Variants in PIWIL1 observed in about 807,000 individuals in gnomAD.
PIWIL1 encodes piwi like RNA-mediated gene silencing 1.
In PIWIL1, 73 loss-of-function variants were observed where a neutral mutation model predicts 114.4. That is an observed-to-expected ratio of 0.64 (90% CI 0.53 to 0.78). The LOEUF (loss-of-function observed/expected upper bound fraction) is 0.78, where lower values mean the gene tolerates loss of function less well. PIWIL1 is among the 30% of genes least tolerant of loss of function. The pLI is 0.00. For synonymous variants in PIWIL1, 375 were observed against 369.0 expected (o/e 1.02, Z -0.19); for missense variants, 723 against 1,063.1 (o/e 0.68, Z 4.45).
chr12:130,341,823 CAGCTGAGCCCAA>C (rs1452555276), intron 1 of PIWIL1, among the ~76,000 whole-genome samples: 4 of 152,208 alleles, frequency 2.6e-5, no homozygotes, highest in African/African-American at 7.2e-5. Context: ...GAGATTGTTA[CAGCTGAGCCCAA>C]AGCTGATCCC....
At chr12:130,394,988 C>A in the PIWIL1 span, among the ~76,000 whole-genome samples, 1 of 152,022 alleles carries the variant, frequency 6.6e-6, no homozygotes, top group Admixed American at 6.6e-5. Flanking sequence ...CATTCTGAAT[C>A]GAAAGAATCA....
At position 130,362,814 on chromosome 12, in the gene PIWIL1, T is replaced by C. The variant is rs770749991; in HGVS notation, c.2019T>C (p.Asp673=). The change falls in exon 17 of 21, where the codon GAT becomes GAC. Residue 673 remains aspartate (D), a synonymous_variant. Transcript: ENST00000245255. ...IFQDRGQELV[D]GLKVCLQAAL... ...AGGATAGAGGACAGGAGCTGGTAGATGGGCTCAAAGTCTGCCTGCAAGGTT... is the reference window on the plus strand; with the variant it reads ...AGGATAGAGGACAGGAGCTGGTAGACGGGCTCAAAGTCTGCCTGCAAGGTT... 2.0e-5 allele frequency: 33 copies of C among 1,614,014 alleles called. No homozygotes were observed. The highest frequency in any genetic ancestry group is 2.7e-5 in the Non-Finnish European group (32 of 1,180,010).
chr12:130,378,015 G>A, the PIWIL1 span, among the ~76,000 whole-genome samples: 1 of 152,218 alleles, frequency 6.6e-6, no homozygotes, highest in African/African-American at 2.4e-5. Context: ...TAAATCAACT[G>A]TACTGAGGTC....
the PIWIL1 span, among the ~76,000 whole-genome samples, chr12:130,417,307 T>C: frequency 6.6e-6 from 1 of 152,192 alleles, no homozygotes; most frequent in Non-Finnish European, 1.5e-5. Flanking sequence ...ATCGCAGCAC[T>C]GTTCACAATA....
chr12:130,356,884 A>AT, intron 12 of PIWIL1, 34 bp from the exon 13 acceptor site: 2 of 1,494,768 alleles, frequency 1.3e-6, no homozygotes, highest in Non-Finnish European at 1.8e-6. Flanking sequence ...AGAACTTACA[A>AT]TGGAATTTAC....
intron 18 of PIWIL1, 61 bp from the exon 19 acceptor site, chr12:130,367,072 T>C: frequency 6.3e-7 from 1 of 1,596,178 alleles, no homozygotes; most frequent in Non-Finnish European, 8.6e-7. Flanking sequence ...AACACCTGAA[T>C]GAATGAGTGC....
At chr12:130,393,308 T>C in the PIWIL1 span, among the ~76,000 whole-genome samples, 16 of 27,528 alleles carry the variant, frequency 5.8e-4, no homozygotes, top group African/African-American at 1.0e-3. Flanking sequence ...CTGGTGAATA[T>C]TGAATGTTGT....
At chr12:130,393,250 A>G in the PIWIL1 span, among the ~76,000 whole-genome samples, 1 of 144,350 alleles carries the variant, frequency 6.9e-6, no homozygotes, top group Admixed American at 6.8e-5. Context: ...GTGAGTATTG[A>G]ATGTTGTGAT....
At chr12:130,378,976 GA>G in the PIWIL1 span, among the ~76,000 whole-genome samples, 8 of 152,200 alleles carry the variant, frequency 5.3e-5, no homozygotes, top group African/African-American at 1.9e-4. Flanking sequence ...TGATGGGGGA[GA>G]ACCATCTGGT....
chr12:130,354,623 A>G lies in PIWIL1; in HGVS notation c.1131A>G (p.Pro377=). The G allele has an allele frequency of 6.2e-7, 1 of 1,607,956 alleles. No homozygotes were observed. The highest frequency in any genetic ancestry group is 8.5e-7 in the Non-Finnish European group (1 of 1,178,366). Residue 377 remains proline (P), a synonymous_variant, in exon 10 of 21, where the codon CCA becomes CCG. Coordinates refer to ENST00000245255, the MANE Select transcript of PIWIL1 (RefSeq NM_004764.5). ...KRRRGPGGTL[P]GPAMLIPELC... is the part of the protein sequence containing the mutation. ...GGCGGGGCCCTGGGGGGACACTGCC[A>G]GGGCCTGCCATGCTCATTCCTGAGC...
At chr12:130,392,925 CAG>C in the PIWIL1 span, among the ~76,000 whole-genome samples, 9 of 102,082 alleles carry the variant, frequency 8.8e-5, no homozygotes, top group South Asian at 3.7e-4. Flanking sequence ...ACGTGTCTGT[CAG>C]TTACCTGGTG....
At chr12:130,344,357 A>G (rs979836557) in intron 3 of PIWIL1, among the ~76,000 whole-genome samples, 2 of 152,160 alleles carry the variant, frequency 1.3e-5, no homozygotes, top group African/African-American at 4.8e-5. Context: ...AAGTATGAAC[A>G]GTTACATGTT....
At position 130,338,118 on chromosome 12, in the gene PIWIL1, C is replaced by T; in HGVS notation, c.-41C>T. ...TGGCCTCGGGCTGAGGTGCAAGGAC[C>T]AGGACTAGGGCGAGGGCAGCGGTCC... On this transcript the variant is annotated 5_prime_UTR_variant, in exon 1 of 21. The change creates a premature stop within an existing upstream ORF in the 5' untranslated region. Coordinates refer to ENST00000245255, the MANE Select transcript of PIWIL1 (RefSeq NM_004764.5). 1 of 265,964 alleles carries T rather than the reference C, an allele frequency of 3.8e-6. No individual in the cohort carries two copies. Among genetic ancestry groups the T allele is most frequent in the South Asian group, 3.3e-5 (1 of 30,136 alleles). The allele number at this position is 265,964 out of a possible 1,614,324, so 16.5% of individuals were successfully genotyped here.
chr12:130,379,837 T>G, the PIWIL1 span, among the ~76,000 whole-genome samples: 1 of 28,534 alleles, frequency 3.5e-5, no homozygotes, highest in African/African-American at 1.4e-4. Flanking sequence ...CTCATCCCAA[T>G]TCCCATCCAA....
At chr12:130,380,925 T>C in the PIWIL1 span, among the ~76,000 whole-genome samples, 1 of 152,214 alleles carries the variant, frequency 6.6e-6, no homozygotes, top group African/African-American at 2.4e-5. Flanking sequence ...GCAAGTCCAA[T>C]GAGTCTTCTT....
chr12:130,423,105 C>A, the PIWIL1 span, among the ~76,000 whole-genome samples: 14 of 152,204 alleles, frequency 9.2e-5, no homozygotes, highest in African/African-American at 3.4e-4. Flanking sequence ...CATTCTAGGA[C>A]TCAGACGGGT....
the PIWIL1 span, among the ~76,000 whole-genome samples, chr12:130,413,384 C>G: frequency 6.6e-6 from 1 of 152,126 alleles, no homozygotes; most frequent in Admixed American, 6.5e-5. Flanking sequence ...AATCCCAGCA[C>G]TTTGGGAGGC....
the PIWIL1 span, among the ~76,000 whole-genome samples, chr12:130,405,415 G>T: frequency 6.6e-6 from 1 of 152,198 alleles, no homozygotes; most frequent in Non-Finnish European, 1.5e-5. Flanking sequence ...TTCTGATAAA[G>T]GCGGTGGGGG....
chr12:130,420,534 T>C, the PIWIL1 span, among the ~76,000 whole-genome samples: 1 of 152,154 alleles, frequency 6.6e-6, no homozygotes, highest in Non-Finnish European at 1.5e-5. This position sits in a 1 kb window ranked among gnomAD's most constrained non-coding sequence, Gnocchi z 4.3. Flanking sequence ...TAGTTTCATT[T>C]GGGAAGGGTT....
Sources: allele counts gnomAD v4.1 joint callset (sites outside exome capture counted in the v4.1 genomes callset), GRCh38; gene constraint gnomAD v4.1.1; non-coding constraint Gnocchi (gnomAD v3.1); transcripts MANE v1.5; gene names NCBI Gene and HGNC (gene_info 2026-07-23, HGNC 2026-07-21).